HRH2: variants seen among roughly 807,000 people sequenced by gnomAD.
The protein encoded by HRH2 is histamine H2 receptor.
A neutral mutation model predicts 20.1 loss-of-function variants in HRH2; 4 were observed. The observed-to-expected ratio is 0.20, with a 90% CI of 0.10 to 0.45. The LOEUF is 0.45. Among genes scored for constraint, HRH2 ranks in the 20% least tolerant of loss-of-function variants. The pLI is 0.99. For missense variants in HRH2, 250 were observed against 461.6 expected (o/e 0.54, Z 4.20); for synonymous variants, 197 against 200.7 (o/e 0.98, Z 0.16).
At chr5:175,700,641 C>A (rs1163043484) in intron 2 of HRH2, among the ~76,000 whole-genome samples, 1 of 152,152 alleles carries the variant, frequency 6.6e-6, no homozygotes, top group Non-Finnish European at 1.5e-5. Flanking sequence ...GTAATCCCAG[C>A]ACCTTGGGAG....
intron 2 of HRH2, among the ~76,000 whole-genome samples, chr5:175,701,364 G>A (rs1756782671): frequency 6.6e-6 from 1 of 152,202 alleles, no homozygotes; most frequent in Admixed American, 6.5e-5. Flanking sequence ...TTGGGAGATA[G>A]GTAACTGACT....
chr5:175,663,136 AG>A (rs2113469994), intron 1 of HRH2, among the ~76,000 whole-genome samples: 1 of 152,256 alleles, frequency 6.6e-6, no homozygotes, highest in South Asian at 2.1e-4. Context: ...GTTTGCATGT[AG>A]GCTTTTGGGG....
rs1325947285 is a variant in HRH2 at position 175,709,174 on chromosome 5, C to T, written c.*1203C>T. Reference sequence around the variant, plus strand: ...GGCTGGCCCCTGACACTCAATCTTCCTTGGTTTCCAAGATGCTTCATGATC... The same window carrying T: ...GGCTGGCCCCTGACACTCAATCTTCTTTGGTTTCCAAGATGCTTCATGATC... On this transcript the variant is annotated 3_prime_UTR_variant, in exon 3 of 3. Transcript: ENST00000636584. 6.6e-6 allele frequency: 1 copy of T among 152,240 alleles called. No individual in the cohort carries two copies. The allele number at this position is 152,240 out of a possible 1,614,324, so 9.4% of individuals were successfully genotyped here.
At chr5:175,672,965 A>AG (rs1755608383) in intron 1 of HRH2, among the ~76,000 whole-genome samples, 1 of 151,646 alleles carries the variant, frequency 6.6e-6, no homozygotes, top group Non-Finnish European at 1.5e-5. Flanking sequence ...GAGCAAGGTT[A>AG]GGGGGGCCAG....
chr5:175,700,059 C>A (rs1404394560), intron 2 of HRH2, among the ~76,000 whole-genome samples: 2 of 152,168 alleles, frequency 1.3e-5, no homozygotes, highest in Non-Finnish European at 2.9e-5. Flanking sequence ...GTGTGAGACC[C>A]AGCAGCAGGG....
intron 1 of HRH2, among the ~76,000 whole-genome samples, chr5:175,664,005 C>T (rs1230646872): frequency 6.6e-6 from 1 of 152,154 alleles, no homozygotes; most frequent in South Asian, 2.1e-4. Flanking sequence ...GCGGGCCTGG[C>T]GCCATTGCTG....
chr5:175,663,471 A>AT (rs1159345018), intron 1 of HRH2, among the ~76,000 whole-genome samples: 1 of 152,168 alleles, frequency 6.6e-6, no homozygotes, highest in African/African-American at 2.4e-5. Flanking sequence ...AGAACTGTCT[A>AT]TTCAGATCAG....
chr5:175,682,112 G>A (rs572732878), intron 1 of HRH2, among the ~76,000 whole-genome samples: 22 of 152,306 alleles, frequency 1.4e-4, no homozygotes, highest in East Asian at 9.6e-4. Context: ...CTGTCGGCAC[G>A]TCATCTGCAT....
At chr5:175,665,537 G>A (rs1762863116) in intron 1 of HRH2, among the ~76,000 whole-genome samples, 1 of 152,180 alleles carries the variant, frequency 6.6e-6, no homozygotes, top group South Asian at 2.1e-4. Flanking sequence ...AGAACCCAGA[G>A]CAGGGGTCCT....
chr5:175,661,675 A>C (rs1762741257), intron 1 of HRH2, among the ~76,000 whole-genome samples: 1 of 152,264 alleles, frequency 6.6e-6, no homozygotes, highest in African/African-American at 2.4e-5. Context: ...TGGCACAATG[A>C]CCTCCAAAGT....
chr5:175,693,780 T>G lies in HRH2; in HGVS notation c.1076+9471T>G, dbSNP rs1199318774. ...CCTTAATGTCATGGTGGTAAGAGGATGCACATGCTCTTGTTCTGCCCCGCT... is the reference window on the plus strand; with the variant it reads ...CCTTAATGTCATGGTGGTAAGAGGAGGCACATGCTCTTGTTCTGCCCCGCT... On this transcript the variant is annotated intron_variant, in intron 2 of 2. Coordinates refer to ENST00000636584, the MANE Select transcript of HRH2 (RefSeq NM_001367711.1). This position sits in a 1 kb window ranked among gnomAD's most constrained non-coding sequence, Gnocchi z 4.4. Among the ~76,000 whole-genome samples the G allele has an allele frequency of 6.6e-6, 1 of 152,220 alleles. No homozygotes were observed. The highest frequency in any genetic ancestry group is 1.5e-5 in the Non-Finnish European group (1 of 68,034).
In HRH2 at chr5:175,684,286, G is replaced by A. The variant is rs760093728; in HGVS notation, c.1053G>A (p.Thr351=). 1.1e-5 allele frequency: 17 copies of A among 1,614,016 alleles called. No homozygotes were observed. Among genetic ancestry groups the A allele is most frequent in the Middle Eastern group, 1.6e-4 (1 of 6,062 alleles). ...AGGTGTGGAGTGGGACAGAAGTCAC[G>A]GCCCCCCAGGGAGCCACAGACAGGT... ...KLQVWSGTEV[T]APQGATDRKP... Residue 351 remains threonine (T), a synonymous_variant, in exon 2 of 3, where the codon ACG becomes ACA. Coordinates refer to ENST00000636584, the MANE Select transcript of HRH2 (RefSeq NM_001367711.1).
intron 1 of HRH2, among the ~76,000 whole-genome samples, chr5:175,679,304 C>A (rs1755875941): frequency 6.6e-6 from 1 of 152,110 alleles, no homozygotes; most frequent in Non-Finnish European, 1.5e-5. Context: ...AAAAAACACC[C>A]CCTTTCTGTC....
intron 2 of HRH2, chr5:175,704,001 T>C (rs1756865558): frequency 6.6e-6 from 1 of 152,118 alleles, no homozygotes; most frequent in African/African-American, 2.4e-5. Context: ...ATTCCATATT[T>C]TAAAAATAAA....
rs951423178 is a variant in HRH2 at position 175,677,718 on chromosome 5, A to G, written c.-525-4991A>G. 1.1e-4 allele frequency among the ~76,000 whole-genome samples: 16 copies of G among 152,208 alleles called. No homozygotes were observed. Among genetic ancestry groups the G allele is most frequent in the African/African-American group, 3.9e-4 (16 of 41,454 alleles). ...TTGAAGTGGTCGATGACAGGGGAAA[A>G]GTTCTGAGAACGAATAGCTCATGAG... On this transcript the variant is annotated intron_variant, in intron 1 of 2. Coordinates refer to ENST00000636584, the MANE Select transcript of HRH2 (RefSeq NM_001367711.1). This position sits in a 1 kb window ranked among gnomAD's most constrained non-coding sequence, Gnocchi z 4.2.
chr5:175,663,345 G>C (rs934861963), intron 1 of HRH2, among the ~76,000 whole-genome samples: 1 of 152,164 alleles, frequency 6.6e-6, no homozygotes, highest in Non-Finnish European at 1.5e-5. Flanking sequence ...TTGGATTCTA[G>C]CCATCCTTGT....
intron 1 of HRH2, among the ~76,000 whole-genome samples, chr5:175,660,779 G>C (rs918113702): frequency 2.0e-5 from 3 of 152,112 alleles, no homozygotes; most frequent in African/African-American, 7.2e-5. Flanking sequence ...CCTCTAAAAG[G>C]GTTCAAGTAG....
intron 1 of HRH2, among the ~76,000 whole-genome samples, chr5:175,661,832 T>G (rs1374622620): frequency 2.0e-5 from 3 of 152,022 alleles, no homozygotes; most frequent in African/African-American, 7.2e-5. Flanking sequence ...CCAGCCTGGC[T>G]AATATGGTGA....
At chr5:175,690,810 C>G (rs1756346412) in intron 2 of HRH2, among the ~76,000 whole-genome samples, 1 of 152,226 alleles carries the variant, frequency 6.6e-6, no homozygotes, top group African/African-American at 2.4e-5. Context: ...CATCTGCTTT[C>G]GGCCTCTCTG....
Sources: allele counts gnomAD v4.1 joint callset (sites outside exome capture counted in the v4.1 genomes callset), GRCh38; gene constraint gnomAD v4.1.1; non-coding constraint Gnocchi (gnomAD v3.1); transcripts MANE v1.5; gene names NCBI Gene and HGNC (gene_info 2026-07-23, HGNC 2026-07-21).